Variants in ADGRL3 observed in about 807,000 individuals in gnomAD.
The protein encoded by ADGRL3 is calcium-independent alpha-latrotoxin receptor 3.
A neutral mutation model predicts 153.5 loss-of-function variants in ADGRL3; 62 were observed. The ratio of observed to expected loss-of-function variants is 0.40; its 90% confidence interval spans 0.33 to 0.50. ADGRL3 has a LOEUF of 0.50. Ranked by LOEUF, ADGRL3 falls within the 20% of genes least tolerant of loss-of-function variation. ADGRL3 has a pLI of 0.47. For synonymous variants in ADGRL3, 710 were observed against 672.5 expected, an observed-to-expected ratio of 1.06 and a Z score of -0.86; for missense variants, 1,641 against 1,859.4, an observed-to-expected ratio of 0.88 and a Z score of 2.16.
chr4:61,919,327 T>C (rs1272545031), intron 13 of ADGRL3, among the ~76,000 whole-genome samples: 1 of 152,208 alleles, frequency 6.6e-6, no homozygotes, highest in African/African-American at 2.4e-5. Context: ...AGCAGGTTCT[T>C]GTGGTTTGGT....
intron 6 of ADGRL3, among the ~76,000 whole-genome samples, chr4:61,707,077 G>A (rs1352798323): frequency 6.6e-6 from 1 of 152,154 alleles, no homozygotes; most frequent in Non-Finnish European, 1.5e-5. Context: ...AAGGCCCAAA[G>A]AAGGGGAAAG....
chr4:61,611,530 A>G (rs1198977275), intron 5 of ADGRL3, among the ~76,000 whole-genome samples: 1 of 152,138 alleles, frequency 6.6e-6, no homozygotes, highest in Non-Finnish European at 1.5e-5. Flanking sequence ...TAGGGAGGCA[A>G]GCTGTTCTCC....
At chr4:61,450,976 A>G (rs2097666508) in intron 2 of ADGRL3, among the ~76,000 whole-genome samples, 1 of 152,122 alleles carries the variant, frequency 6.6e-6, no homozygotes, top group Admixed American at 6.6e-5. Context: ...GTATTAGATT[A>G]TTCTAAATTT....
At chr4:61,758,572 T>C (rs999190582) in intron 8 of ADGRL3, among the ~76,000 whole-genome samples, 1 of 152,208 alleles carries the variant, frequency 6.6e-6, no homozygotes, top group South Asian at 2.1e-4. Flanking sequence ...CCTATGTGTG[T>C]CTCTGCATAA....
At chr4:61,550,567 T>C (rs560621341) in intron 4 of ADGRL3, among the ~76,000 whole-genome samples, 9 of 152,144 alleles carry the variant, frequency 5.9e-5, no homozygotes, top group Admixed American at 2.6e-4. Context: ...GGGTTCATTT[T>C]TAAGATACTT....
chr4:61,370,383 G>A (rs12507054), intron 1 of ADGRL3, among the ~76,000 whole-genome samples: 5 of 150,436 alleles, frequency 3.3e-5, no homozygotes, highest in African/African-American at 9.8e-5. Context: ...ATAAATTTCC[G>A]TCTACACACT....
intron 1 of ADGRL3, among the ~76,000 whole-genome samples, chr4:61,351,673 A>T (rs1338639985): frequency 1.3e-5 from 2 of 152,134 alleles, no homozygotes; most frequent in Non-Finnish European, 2.9e-5. Context: ...TATAAATGGA[A>T]CAACAAAGCC....
At chr4:61,303,928 A>G (rs985987455) in intron 1 of ADGRL3, among the ~76,000 whole-genome samples, 1 of 152,252 alleles carries the variant, frequency 6.6e-6, no homozygotes, top group African/African-American at 2.4e-5. Flanking sequence ...ACACATTTAA[A>G]TACAACCCAG....
At chr4:62,023,685 G>A (rs1277176134) in intron 21 of ADGRL3, among the ~76,000 whole-genome samples, 4 of 152,104 alleles carry the variant, frequency 2.6e-5, no homozygotes, top group East Asian at 1.9e-4. Flanking sequence ...ATTAGAACTC[G>A]CTGAAGCCTC....
At chr4:61,938,232 A>G (rs750833685) in intron 15 of ADGRL3, among the ~76,000 whole-genome samples, 1 of 152,232 alleles carries the variant, frequency 6.6e-6, no homozygotes, top group Non-Finnish European at 1.5e-5. Context: ...AATTAAAATT[A>G]AAGTTTTTAA....
intron 2 of ADGRL3, among the ~76,000 whole-genome samples, chr4:61,473,367 A>T (rs2097994071): frequency 2.6e-5 from 4 of 152,020 alleles, no homozygotes; most frequent in South Asian, 2.1e-4. Flanking sequence ...AGTGCCTAGA[A>T]CAAACCAAAC....
chr4:62,002,624 A>C (rs948609866), intron 21 of ADGRL3, among the ~76,000 whole-genome samples: 7 of 152,000 alleles, frequency 4.6e-5, no homozygotes, highest in Admixed American at 6.6e-5. Flanking sequence ...AGGTATGCCA[A>C]GTCTTGGATT....
At chr4:61,499,643 AT>A (rs1217332470) in intron 3 of ADGRL3, among the ~76,000 whole-genome samples, 1 of 152,132 alleles carries the variant, frequency 6.6e-6, no homozygotes, top group Non-Finnish European at 1.5e-5. Flanking sequence ...CCTCTAGTTA[AT>A]TTTTGTTCCA....
At chr4:61,857,670 CCTTT>C (rs1460221281) in intron 9 of ADGRL3, among the ~76,000 whole-genome samples, 1 of 149,414 alleles carries the variant, frequency 6.7e-6, no homozygotes, top group South Asian at 2.1e-4. Context: ...CTTCTTTCTT[CCTTT>C]CTTTCTTCCT....
intron 17 of ADGRL3, among the ~76,000 whole-genome samples, chr4:61,955,208 A>T (rs979883385): frequency 6.6e-6 from 1 of 152,178 alleles, no homozygotes; most frequent in African/African-American, 2.4e-5. Flanking sequence ...TGAATAAGAA[A>T]ATACTGAGTA....
chr4:61,337,906 A>T (rs183686176), intron 1 of ADGRL3, among the ~76,000 whole-genome samples: 2 of 152,292 alleles, frequency 1.3e-5, no homozygotes, highest in East Asian at 3.9e-4. Context: ...AAAGGAAAAA[A>T]GTCCTTGTTA....
At chr4:61,592,644 T>C (rs1038419594) in intron 5 of ADGRL3, among the ~76,000 whole-genome samples, 1 of 152,196 alleles carries the variant, frequency 6.6e-6, no homozygotes. Flanking sequence ...TTATTTCTTC[T>C]CCTCTAATAT....
chr4:62,009,991 T>G (rs1236190123), intron 21 of ADGRL3, among the ~76,000 whole-genome samples: 2 of 152,092 alleles, frequency 1.3e-5, no homozygotes, highest in African/African-American at 4.8e-5. Context: ...ATGGAAGAGA[T>G]GCACAGGGCA....
At chr4:61,933,466 G>A (rs541306932) in intron 13 of ADGRL3, among the ~76,000 whole-genome samples, 2 of 152,048 alleles carry the variant, frequency 1.3e-5, no homozygotes, top group African/African-American at 2.4e-5. Flanking sequence ...ATATGAAAAC[G>A]TCCAGTGTTT....
Sources: gnomAD v4.1 joint callset for allele counts (sites outside exome capture counted in the v4.1 genomes callset) on GRCh38, gnomAD v4.1.1 for gene constraint, MANE v1.5 for transcripts, NCBI Gene and HGNC (gene_info 2026-07-23, HGNC 2026-07-21) for gene names.